The following LZTS1 variants were observed in gnomAD, a reference collection of about 807,000 sequenced individuals.
The protein encoded by LZTS1 is leucine zipper putative tumor suppressor 1.
LZTS1 carries 31 observed loss-of-function variants against 45.8 expected under a neutral mutation model. The ratio of observed to expected loss-of-function variants is 0.68; its 90% CI spans 0.51 to 0.91. LZTS1 has a LOEUF of 0.91. Ranked by LOEUF, LZTS1 falls within the 40% of genes least tolerant of loss-of-function variation. LZTS1 has a pLI of 0.00. For synonymous variants in LZTS1, 359 were observed against 357.3 expected (o/e 1.00, Z -0.05); for missense variants, 821 against 788.9 (o/e 1.04, Z -0.49).
intron 3 of LZTS1, among the ~76,000 whole-genome samples, chr8:20,252,566 T>C (rs936177871): frequency 1.3e-4 from 20 of 152,086 alleles, no homozygotes; most frequent in African/African-American, 4.3e-4. Context: ...CTAGGAGCCA[T>C]GAGGGTGATG....
intron 1 of LZTS1, among the ~76,000 whole-genome samples, chr8:20,294,476 G>A (rs559584477): frequency 2.1e-4 from 32 of 152,162 alleles, no homozygotes; most frequent in African/African-American, 4.3e-4. Flanking sequence ...GGGCCGGCTC[G>A]CTTTACAGTG....
intron 1 of LZTS1, among the ~76,000 whole-genome samples, chr8:20,271,649 C>T (rs927866045): frequency 3.2e-4 from 49 of 152,236 alleles, no homozygotes; most frequent in African/African-American, 1.1e-3. Flanking sequence ...CTACTCTTCC[C>T]TCTGCCAGGA....
chr8:20,257,531 C>T (rs1380730841), intron 1 of LZTS1, among the ~76,000 whole-genome samples: 1 of 152,180 alleles, frequency 6.6e-6, no homozygotes, highest in East Asian at 1.9e-4. Context: ...AAAGTCATTA[C>T]AGCCTTAATG....
intron 1 of LZTS1, among the ~76,000 whole-genome samples, chr8:20,269,391 C>A (rs1800429476): frequency 6.6e-6 from 1 of 152,210 alleles, no homozygotes; most frequent in South Asian, 2.1e-4. Context: ...GCAGATGGGA[C>A]TCTGGAGGCC....
intron 1 of LZTS1, among the ~76,000 whole-genome samples, chr8:20,257,178 C>T (rs1411489304): frequency 6.6e-6 from 1 of 152,036 alleles, no homozygotes; most frequent in Admixed American, 6.6e-5. Context: ...GGTGGAACCC[C>T]GTCTCTACTA....
intron 1 of LZTS1, among the ~76,000 whole-genome samples, chr8:20,288,689 A>G (rs1385358934): frequency 6.6e-6 from 1 of 152,086 alleles, no homozygotes. Context: ...TGGCTCTCCC[A>G]CCACTGGGGC....
chr8:20,261,634 GGA>G (rs1800232273), intron 1 of LZTS1, among the ~76,000 whole-genome samples: 1 of 152,240 alleles, frequency 6.6e-6, no homozygotes, highest in South Asian at 2.1e-4. Context: ...TCTGGAATGT[GGA>G]GAGAGAGGCA....
At chr8:20,276,196 C>T (rs766884456) in intron 1 of LZTS1, among the ~76,000 whole-genome samples, 3 of 151,210 alleles carry the variant, frequency 2.0e-5, no homozygotes, top group Non-Finnish European at 4.4e-5. Flanking sequence ...TATATTTGGT[C>T]TTTGACCCCA....
At chr8:20,287,713 G>A (rs886476445) in intron 1 of LZTS1, among the ~76,000 whole-genome samples, 1 of 152,152 alleles carries the variant, frequency 6.6e-6, no homozygotes, top group Middle Eastern at 3.4e-3. Context: ...GATTACCTGA[G>A]ATCAGGAGTT....
rs543300602 is a variant in LZTS1 at position 20,285,764 on chromosome 8, G to A, written c.-135+17976C>T. 6.6e-5 allele frequency among the ~76,000 whole-genome samples: 10 copies of A among 152,328 alleles called. No homozygotes were observed. In the East Asian group the frequency reaches 1.5e-3, roughly 24 times the overall value. On this transcript the variant is annotated intron_variant, in intron 1 of 3. Transcript: ENST00000381569. The stretch of plus-strand genomic sequence containing the variant: ...TTGGTGAAGAACTAAGCTGGAGGGT[G>A]TATATCAGCAGACAGCAAGACTTAA...
At chr8:20,282,591 G>A (rs1433642646) in intron 1 of LZTS1, among the ~76,000 whole-genome samples, 1 of 152,186 alleles carries the variant, frequency 6.6e-6, no homozygotes, top group Non-Finnish European at 1.5e-5. Flanking sequence ...AGTTGTGCTT[G>A]GGCTTCTCCA....
intron 1 of LZTS1, among the ~76,000 whole-genome samples, chr8:20,268,984 C>T (rs1422109495): frequency 6.6e-6 from 1 of 152,064 alleles, no homozygotes; most frequent in Non-Finnish European, 1.5e-5. Flanking sequence ...GTTCAGCTGC[C>T]GGGGAGTCTT....
intron 1 of LZTS1, among the ~76,000 whole-genome samples, chr8:20,273,229 C>T (rs963153816): frequency 6.6e-6 from 1 of 152,162 alleles, no homozygotes; most frequent in East Asian, 1.9e-4. Context: ...GATTGCCTGG[C>T]TTTCCTCCTG....
intron 1 of LZTS1, among the ~76,000 whole-genome samples, chr8:20,257,865 G>A (rs1800142695): frequency 6.6e-6 from 1 of 151,964 alleles, no homozygotes; most frequent in African/African-American, 2.4e-5. Flanking sequence ...GTAGAGATGG[G>A]GTTTTCCCAT....
At chr8:20,293,543 C>T (rs1187951022) in intron 1 of LZTS1, among the ~76,000 whole-genome samples, 2 of 152,210 alleles carry the variant, frequency 1.3e-5, no homozygotes, top group African/African-American at 4.8e-5. Flanking sequence ...ACAAGTGACT[C>T]GTTGTGGCAG....
intron 1 of LZTS1, among the ~76,000 whole-genome samples, chr8:20,280,666 G>A (rs545134382): frequency 4.7e-4 from 72 of 152,172 alleles, no homozygotes; most frequent in Non-Finnish European, 9.0e-4. Flanking sequence ...GAGAATTGGT[G>A]GGCACAGCAG....
Position 20,251,098 on chromosome 8 carries a change from AATATATAT to A in LZTS1, c.1150-743_1150-736del, listed in dbSNP as rs527759585. ...TGGTGAAGTGACCAGCCTGAGGGCT[AATATATAT>A]ATATATATATATATATATATATATA... On this transcript the variant is annotated intron_variant, in intron 3 of 3. Coordinates refer to ENST00000381569, the MANE Select transcript of LZTS1 (RefSeq NM_021020.5). 8.9e-3 allele frequency among the ~76,000 whole-genome samples: 365 copies of A among 41,206 alleles called. 2 individuals are homozygous for A. The highest frequency in any genetic ancestry group is 0.039 in the Admixed American group (111 of 2,832). 27.0% of individuals were successfully genotyped at this position (41,206 alleles called of 152,430 possible). A position where few individuals can be genotyped will look rare whatever the true frequency, so the allele number is the denominator to read the frequency against.
chr8:20,293,425 A>G (rs1246277076), intron 1 of LZTS1, among the ~76,000 whole-genome samples: 1 of 152,148 alleles, frequency 6.6e-6, no homozygotes, highest in East Asian at 1.9e-4. Flanking sequence ...AATCACACCC[A>G]GCCCTTGGGG....
At chr8:20,268,634 C>T (rs547656671) in intron 1 of LZTS1, among the ~76,000 whole-genome samples, 1 of 152,024 alleles carries the variant, frequency 6.6e-6, no homozygotes, top group African/African-American at 2.4e-5. Context: ...TGAAGGCCTA[C>T]ATGAGCAAAG....
Sources: allele counts gnomAD v4.1 joint callset (sites outside exome capture counted in the v4.1 genomes callset), GRCh38; gene constraint gnomAD v4.1.1; transcripts MANE v1.5; gene names NCBI Gene and HGNC (gene_info 2026-07-23, HGNC 2026-07-21).